The following TMEM132D variants were observed in gnomAD, a reference collection of about 807,000 sequenced individuals.
The protein encoded by TMEM132D is mature OL transmembrane protein.
TMEM132D carries 21 observed loss-of-function variants against 62.3 expected under a neutral mutation model. The observed-to-expected ratio is 0.34, with a 90% confidence interval of 0.24 to 0.49. TMEM132D has a LOEUF of 0.49. TMEM132D is among the 20% of genes least tolerant of loss of function. TMEM132D has a pLI of 0.99. For missense variants in TMEM132D, 1,346 were observed against 1,402.8 expected, an observed-to-expected ratio of 0.96 and a Z score of 0.65; for synonymous variants, 621 against 575.6, an observed-to-expected ratio of 1.08 and a Z score of -1.13.
intron 5 of TMEM132D, among the ~76,000 whole-genome samples, chr12:129,162,428 C>A (rs946181840): frequency 6.6e-6 from 1 of 152,166 alleles, no homozygotes; most frequent in South Asian, 2.1e-4. Context: ...TTTGTTATGG[C>A]AGTCGGAGCT....
intron 3 of TMEM132D, among the ~76,000 whole-genome samples, chr12:129,444,198 C>G (rs941838810): frequency 1.3e-5 from 2 of 152,072 alleles, no homozygotes; most frequent in Admixed American, 6.5e-5. Context: ...GACATAGGCA[C>G]AGCAAAGATT....
chr12:129,152,177 A>G (rs1877094555), intron 5 of TMEM132D, among the ~76,000 whole-genome samples: 1 of 152,154 alleles, frequency 6.6e-6, no homozygotes, highest in South Asian at 2.1e-4. Context: ...ATGGCCTTCA[A>G]TGTAGTTTTA....
intron 1 of TMEM132D, among the ~76,000 whole-genome samples, chr12:129,760,601 C>G (rs1421375466): frequency 6.6e-6 from 1 of 150,484 alleles, no homozygotes; most frequent in African/African-American, 2.4e-5. Context: ...CTGCCTCAAG[C>G]CTCCTGAAGT....
At chr12:129,762,430 G>A (rs567767875) in intron 1 of TMEM132D, among the ~76,000 whole-genome samples, 4 of 151,992 alleles carry the variant, frequency 2.6e-5, no homozygotes, top group Admixed American at 2.0e-4. Context: ...TTACCGCAGC[G>A]AGCCCATCCG....
chr12:129,134,602 T>C (rs1168132089), intron 5 of TMEM132D, among the ~76,000 whole-genome samples: 7 of 152,176 alleles, frequency 4.6e-5, no homozygotes, highest in Non-Finnish European at 1.0e-4. Context: ...GTGAAATAAT[T>C]TATATTATTC....
chr12:129,171,427 A>G (rs1877725653), intron 5 of TMEM132D, among the ~76,000 whole-genome samples: 1 of 152,210 alleles, frequency 6.6e-6, no homozygotes, highest in Admixed American at 6.5e-5. Flanking sequence ...AGCCTTGTTC[A>G]TGTTGATATT....
chr12:129,564,014 C>G (rs1249113780), intron 2 of TMEM132D, among the ~76,000 whole-genome samples: 2 of 152,128 alleles, frequency 1.3e-5, no homozygotes, highest in Non-Finnish European at 2.9e-5. Flanking sequence ...TGGGCAACAG[C>G]TACTTTTAAA....
chr12:129,815,321 G>A (rs939229846), intron 1 of TMEM132D, among the ~76,000 whole-genome samples: 6 of 152,196 alleles, frequency 3.9e-5, no homozygotes, highest in Non-Finnish European at 5.9e-5. Flanking sequence ...TAGTGTACAT[G>A]TGACTCTTCC....
chr12:129,843,484 T>C (rs777598634), intron 1 of TMEM132D, among the ~76,000 whole-genome samples: 2 of 152,168 alleles, frequency 1.3e-5, no homozygotes, highest in African/African-American at 2.4e-5. Flanking sequence ...AAATGATTTA[T>C]TGAAAACCAC....
chr12:129,238,996 G>GTTTTTTTTTT (rs1555240386), intron 4 of TMEM132D, among the ~76,000 whole-genome samples: 2 of 133,046 alleles, frequency 1.5e-5, no homozygotes, highest in Non-Finnish European at 3.2e-5. Flanking sequence ...GTTATTTTCT[G>GTTTTTTTTTT]TTTTTTTTTT....
intron 3 of TMEM132D, among the ~76,000 whole-genome samples, chr12:129,493,996 G>C (rs1874876216): frequency 6.6e-6 from 1 of 152,212 alleles, no homozygotes; most frequent in East Asian, 1.9e-4. Context: ...GGCATTCTAA[G>C]CTTCTTCCCT....
At chr12:129,846,430 T>C (rs1435091401) in intron 1 of TMEM132D, among the ~76,000 whole-genome samples, 2 of 152,200 alleles carry the variant, frequency 1.3e-5, no homozygotes, top group African/African-American at 2.4e-5. Flanking sequence ...TCTAGGTCCT[T>C]GGGTTCTCTT....
At chr12:129,786,537 C>T (rs560310692) in intron 1 of TMEM132D, among the ~76,000 whole-genome samples, 3 of 152,318 alleles carry the variant, frequency 2.0e-5, no homozygotes, top group East Asian at 3.9e-4. Context: ...TTTCTTCCCA[C>T]ACTCCAGGGG....
At chr12:129,621,531 T>C (rs1030176540) in intron 2 of TMEM132D, among the ~76,000 whole-genome samples, 1 of 152,070 alleles carries the variant, frequency 6.6e-6, no homozygotes, top group Non-Finnish European at 1.5e-5. Flanking sequence ...GCACCACCGA[T>C]GCACCCAGTG....
At chr12:129,450,848 T>G (rs1361550758) in intron 3 of TMEM132D, among the ~76,000 whole-genome samples, 1 of 147,460 alleles carries the variant, frequency 6.8e-6, no homozygotes, top group Non-Finnish European at 1.5e-5. Context: ...CTTCTGCCTC[T>G]CGGGTTCAAG....
intron 1 of TMEM132D, among the ~76,000 whole-genome samples, chr12:129,813,596 G>A (rs938583631): frequency 4.6e-5 from 5 of 107,676 alleles, no homozygotes; most frequent in African/African-American, 1.3e-4. Flanking sequence ...AAGGATGGAC[G>A]GATACAGAAA....
At chr12:129,468,722 A>G (rs1049367073) in intron 3 of TMEM132D, among the ~76,000 whole-genome samples, 3 of 152,126 alleles carry the variant, frequency 2.0e-5, no homozygotes, top group Non-Finnish European at 4.4e-5. Flanking sequence ...CTGTCTCTCT[A>G]CTTCGTAAGA....
chr12:129,859,333 C>A (rs985204964), intron 1 of TMEM132D, among the ~76,000 whole-genome samples: 1 of 152,160 alleles, frequency 6.6e-6, no homozygotes, highest in South Asian at 2.1e-4. Context: ...TGCCATTAAA[C>A]GTAATAGCAA....
chr12:129,516,509 T>A (rs540408004), intron 3 of TMEM132D, among the ~76,000 whole-genome samples: 4 of 152,152 alleles, frequency 2.6e-5, no homozygotes, highest in Admixed American at 2.6e-4. Flanking sequence ...AAATGAGAGC[T>A]AAGTGAAAGG....
Sources: allele counts gnomAD v4.1 joint callset (sites outside exome capture counted in the v4.1 genomes callset), GRCh38; gene constraint gnomAD v4.1.1; transcripts MANE v1.5; gene names NCBI Gene and HGNC (gene_info 2026-07-23, HGNC 2026-07-21).